Variants in CPEB1 observed in about 807,000 individuals in gnomAD.
CPEB1 encodes the protein cytoplasmic polyadenylation element-binding protein 1.
Under a neutral mutation model 65.8 loss-of-function variants are expected in CPEB1, and 7 were observed. The ratio of observed to expected loss-of-function variants is 0.11; its 90% CI spans 0.06 to 0.20. The LOEUF is 0.20. CPEB1 is among the 10% of genes least tolerant of loss of function. CPEB1 has a pLI of 1.00. For missense variants in CPEB1, 551 were observed against 712.2 expected, an observed-to-expected ratio of 0.77 and a Z score of 2.58; for synonymous variants, 262 against 260.0, an observed-to-expected ratio of 1.01 and a Z score of -0.08.
At chr15:82,556,184 C>T (rs2037167311) in intron 5 of CPEB1, 62 bp from the exon 6 acceptor site, 72 of 1,469,746 alleles carry the variant, frequency 4.9e-5, no homozygotes, top group Non-Finnish European at 6.4e-5. Context: ...GTAATAATCA[C>T]ATTATAGAAA....
intron 3 of CPEB1, among the ~76,000 whole-genome samples, chr15:82,626,208 C>T (rs535153424): frequency 7.3e-5 from 11 of 151,280 alleles, no homozygotes; most frequent in East Asian, 5.9e-4. Context: ...GGCCAAGGCA[C>T]GCAGATCACA....
At chr15:82,612,608 G>A (rs987662944) in intron 3 of CPEB1, among the ~76,000 whole-genome samples, 20 of 151,976 alleles carry the variant, frequency 1.3e-4, no homozygotes, top group African/African-American at 3.6e-4. Flanking sequence ...AGTCCAAGGC[G>A]GGTGGGTCAT....
intron 3 of CPEB1, chr15:82,571,872 G>A: frequency 9.4e-7 from 1 of 1,067,236 alleles, no homozygotes; most frequent in Non-Finnish European, 1.1e-6. Flanking sequence ...CGGGGGAGGA[G>A]CAGGAGGGGA....
In CPEB1 at chr15:82,546,364, G is replaced by T. The variant is rs1172342038; in HGVS notation, c.1656+77C>A. The T allele has an allele frequency of 5.1e-6, 6 of 1,176,126 alleles. No individual in the cohort carries two copies. The Admixed American group carries it at 7.0e-5, about 14-fold the overall frequency. 72.9% of individuals were successfully genotyped at this position (1,176,126 alleles called of 1,614,324 possible). A position where few individuals can be genotyped will look rare whatever the true frequency, so the allele number is the denominator to read the frequency against. ...CCCACCTTGGCATCCCAAAGTGCTG[G>T]GATTACAGGTGTGAACCACCGCGCC... On this transcript the variant is annotated intron_variant, in intron 12 of 12. Coordinates refer to ENST00000684509, the MANE Select transcript of CPEB1 (RefSeq NM_001365242.1).
intron 1 of CPEB1, among the ~76,000 whole-genome samples, chr15:82,641,255 CAAAA>C (rs994308172): frequency 6.6e-6 from 1 of 151,760 alleles, no homozygotes; most frequent in African/African-American, 2.4e-5. Context: ...AAAACAAAAA[CAAAA>C]AGCCTCAGGA....
At chr15:82,600,897 C>CTTTTT (rs751843256) in intron 3 of CPEB1, among the ~76,000 whole-genome samples, 43 of 64,144 alleles carry the variant, frequency 6.7e-4, no homozygotes, top group East Asian at 9.8e-4. Context: ...CAGAACTTGT[C>CTTTTT]TTTTTTTTTT....
intron 3 of CPEB1, among the ~76,000 whole-genome samples, chr15:82,594,823 T>G (rs891558169): frequency 6.7e-6 from 1 of 148,902 alleles, no homozygotes; most frequent in Non-Finnish European, 1.5e-5. Context: ...ATTTTCCTAA[T>G]TTCAATTTTG....
chr15:82,585,232 C>G (rs1173056089), intron 3 of CPEB1, among the ~76,000 whole-genome samples: 3 of 152,078 alleles, frequency 2.0e-5, no homozygotes, highest in Non-Finnish European at 4.4e-5. Flanking sequence ...CCTCTACCCC[C>G]ATAAATGTAC....
intron 3 of CPEB1, among the ~76,000 whole-genome samples, chr15:82,606,925 G>A (rs1462411378): frequency 2.0e-5 from 3 of 151,874 alleles, no homozygotes; most frequent in Admixed American, 2.0e-4. Context: ...TTAAGGCCAG[G>A]AGTTTGACAC....
intron 1 of CPEB1, among the ~76,000 whole-genome samples, chr15:82,643,517 T>C (rs972560077): frequency 2.6e-5 from 4 of 151,824 alleles, no homozygotes; most frequent in Non-Finnish European, 5.9e-5. Flanking sequence ...TAGTCCCCAC[T>C]ACTTGGGAGG....
intron 3 of CPEB1, among the ~76,000 whole-genome samples, chr15:82,599,881 T>C (rs79551386): frequency 0.023 from 3,428 of 151,742 alleles, 131 homozygotes; most frequent in African/African-American, 0.078. Flanking sequence ...AACTAGAATA[T>C]AGAACCAAAA....
chr15:82,547,079 G>A, intron 11 of CPEB1, 64 bp downstream of exon 11: 2 of 1,113,956 alleles, frequency 1.8e-6, no homozygotes, highest in Non-Finnish European at 2.7e-6. Context: ...GGCCTGCCCT[G>A]GGTAGTAACT....
intron 4 of CPEB1, 90 bp downstream of exon 4, chr15:82,571,254 A>T: frequency 6.7e-7 from 1 of 1,490,638 alleles, no homozygotes; most frequent in Non-Finnish European, 9.0e-7. Context: ...AGTGATGCAA[A>T]GGGGAACAGA....
intron 1 of CPEB1, among the ~76,000 whole-genome samples, chr15:82,645,473 T>G (rs72751685): frequency 6.6e-6 from 1 of 151,726 alleles, no homozygotes; most frequent in South Asian, 2.1e-4. Flanking sequence ...ATTACAAAGG[T>G]TGACTTACAC....
chr15:82,555,188 A>G (rs1454004866), intron 6 of CPEB1, among the ~76,000 whole-genome samples: 1 of 152,212 alleles, frequency 6.6e-6, no homozygotes, highest in East Asian at 1.9e-4. Flanking sequence ...TATTTTTTAA[A>G]CCTTTTAAAA....
intron 3 of CPEB1, among the ~76,000 whole-genome samples, chr15:82,580,345 A>G (rs376851620): frequency 6.6e-6 from 1 of 151,810 alleles, no homozygotes; most frequent in African/African-American, 2.4e-5. Context: ...GAAGAAGAAG[A>G]AAAAAGAAAT....
At chr15:82,571,796 T>G in intron 3 of CPEB1, 1 of 1,247,384 alleles carries the variant, frequency 8.0e-7, no homozygotes, top group Non-Finnish European at 1.0e-6. Flanking sequence ...CTGCTGATGC[T>G]TCCCGCTGCC....
intron 3 of CPEB1, among the ~76,000 whole-genome samples, chr15:82,603,157 A>C (rs996961251): frequency 1.3e-5 from 2 of 152,026 alleles, no homozygotes; most frequent in African/African-American, 4.8e-5. Context: ...GAAAACCAGC[A>C]ACCTGCATCA....
At chr15:82,557,682 G>T in intron 5 of CPEB1, 78 bp downstream of exon 5, 1 of 1,225,576 alleles carries the variant, frequency 8.2e-7, no homozygotes, top group Non-Finnish European at 1.2e-6. Context: ...GCATCCCATA[G>T]ATATTGTACC....
Sources: gnomAD v4.1 joint callset for allele counts (sites outside exome capture counted in the v4.1 genomes callset) on GRCh38, gnomAD v4.1.1 for gene constraint, MANE v1.5 for transcripts, NCBI Gene and HGNC (gene_info 2026-07-23, HGNC 2026-07-21) for gene names.